B3GNT9: variants seen among roughly 807,000 people sequenced by gnomAD.
The protein encoded by B3GNT9 is UDP-GlcNAc:betaGal beta-1,3-N-acetylglucosaminyltransferase 9, also known as BGnT-9.
For missense variants in B3GNT9, 669 were observed against 599.2 expected, an observed-to-expected ratio of 1.12 and a Z score of -1.22; for synonymous variants, 359 against 283.9, an observed-to-expected ratio of 1.26 and a Z score of -2.66.
rs1309643857 is a variant in B3GNT9, at chr16:67,149,637, A to G, written c.849T>C (p.Tyr283=). 1 of 1,600,794 alleles carries G rather than the reference A, an allele frequency of 6.2e-7. No individual in the cohort carries two copies. The highest frequency in any genetic ancestry group is 8.5e-7 in the Non-Finnish European group (1 of 1,174,102). The change falls in exon 2 of 2, where the codon TAT becomes TAC. Residue 283 remains tyrosine, a synonymous_variant. Transcript: ENST00000449549. ...IPEAVYGLPA[Y]PAYAGGGGFV... ...AGCCACCGCCGCCCGCGTAGGCCGG[A>G]TAGGCGGGCAGGCCGTACACGGCCT... is the stretch of plus-strand genomic sequence containing the variant.
chr16:67,149,736 T>G lies in B3GNT9; in HGVS notation c.750A>C (p.Gln250His), dbSNP rs771940921. 3.1e-6 allele frequency: 5 copies of G among 1,613,558 alleles called. No individual in the cohort carries two copies. The African/African-American group carries it at 6.7e-5, about 22-fold the overall frequency. Reference protein sequence around the residue: ...LEFLAPRDPAQDLLAGDVIVH... With the variant: ...LEFLAPRDPAHDLLAGDVIVH... ...CAATTACGTCACCAGCAAGCAGGTC[T>G]TGCGCCGGGTCCCGCGGCGCCAGGA... is the stretch of plus-strand genomic sequence containing the variant. Residue 250 changes from glutamine (Q) to histidine (H), a missense_variant, in exon 2 of 2, where the codon CAA becomes CAC. Physicochemically the swap from Gln to His is conservative, Grantham distance 24. Coordinates refer to ENST00000449549, the MANE Select transcript of B3GNT9 (RefSeq NM_033309.3).
Position 67,150,163 on chromosome 16 carries a change from C to A in B3GNT9, c.323G>T (p.Gly108Val), listed in dbSNP as rs1309899835. 2.6e-6 allele frequency: 4 copies of A among 1,545,154 alleles called. No individual in the cohort carries two copies. In the South Asian group the frequency reaches 4.8e-5, roughly 19 times the overall value. Residue 108 changes from glycine (G) to valine (V), a missense_variant, in exon 2 of 2, where the codon GGC becomes GTC. Coordinates refer to ENST00000449549, the MANE Select transcript of B3GNT9 (RefSeq NM_033309.3). ...CGGGCGGCCACCGGGTGCGCCGTCG[C>A]CGCGGCACTTGTGCGGCTGGTTAAT... ...LLINQPHKCR[G>V]DGAPGGRPDL...
chr16:67,150,708 C>T, intron 1 of B3GNT9, 37 bp from the exon 2 acceptor site: 1 of 389,120 alleles, frequency 2.6e-6, no homozygotes, highest in Non-Finnish European at 4.5e-6. Flanking sequence ...TAGCCAACTC[C>T]CCCGCGGCCT....
rs769419679 is a variant in B3GNT9, at chr16:67,150,462, G to A, written c.24C>T (p.Arg8=). The A allele has an allele frequency of 3.8e-5, 50 of 1,331,532 alleles. No individual in the cohort carries two copies. Among genetic ancestry groups the A allele is most frequent in the Non-Finnish European group, 4.8e-5 (50 of 1,043,522 alleles). The allele number at this position is 1,331,532 out of a possible 1,614,324, so 82.5% of individuals were successfully genotyped here. Residue 8 remains arginine (R), a synonymous_variant, in exon 2 of 2, where the codon CGC becomes CGT. Coordinates refer to ENST00000449549, the MANE Select transcript of B3GNT9 (RefSeq NM_033309.3). The part of the protein sequence containing the change: MRRRLRL[R]RDALLTLLLG... ...GGAGCAGCGTGAGCAATGCGTCCCT[G>A]CGTAGGCGCAGCCTCCTCCTCATCT...
rs1401755158 is a variant in B3GNT9, at chr16:67,150,157, C to T, written c.329G>A (p.Gly110Asp). 1 of 1,539,282 alleles carries T rather than the reference C, an allele frequency of 6.5e-7. No individual in the cohort carries two copies. The change falls in exon 2 of 2, where the codon GGC (glycine) becomes GAC (aspartate). Residue 110 changes from glycine to aspartate, a missense_variant. Coordinates refer to ENST00000449549, the MANE Select transcript of B3GNT9 (RefSeq NM_033309.3). ...INQPHKCRGD[G>D]APGGRPDLLI... Reference sequence around the variant, plus strand: ...CAGGTCCGGGCGGCCACCGGGTGCGCCGTCGCCGCGGCACTTGTGCGGCTG... The same window carrying T: ...CAGGTCCGGGCGGCCACCGGGTGCGTCGTCGCCGCGGCACTTGTGCGGCTG...
intron 1 of B3GNT9, 58 bp from the exon 2 acceptor site, chr16:67,150,729 C>A: frequency 2.7e-6 from 1 of 369,256 alleles, no homozygotes; most frequent in Non-Finnish European, 4.8e-6. Flanking sequence ...CAGCTCCGGC[C>A]CAGGACTGCG....
chr16:67,149,642 C>T lies in B3GNT9; in HGVS notation c.844G>A (p.Ala282Thr). 2 of 1,600,526 alleles carry T rather than the reference C, an allele frequency of 1.2e-6. No individual in the cohort carries two copies. Among genetic ancestry groups the T allele is most frequent in the East Asian group, 2.3e-5 (1 of 44,154 alleles). The change falls in exon 2 of 2, where the codon GCC becomes ACC. Residue 282 changes from alanine (A) to threonine (T), a missense_variant. By Grantham distance (58) the Ala-to-Thr change is moderately conservative. Coordinates refer to ENST00000449549, the MANE Select transcript of B3GNT9 (RefSeq NM_033309.3). ...YIPEAVYGLP[A>T]YPAYAGGGGF... ...CCGCCGCCCGCGTAGGCCGGATAGG[C>T]GGGCAGGCCGTACACGGCCTCGGGG...
Position 67,149,798 on chromosome 16 carries a change from C to G in B3GNT9, c.688G>C (p.Ala230Pro). The change falls in exon 2 of 2, where the codon GCA becomes CCA. Residue 230 changes from alanine (A) to proline (P), a missense_variant. By Grantham distance (27) the Ala-to-Pro change is conservative (BLOSUM62 -1). Coordinates refer to ENST00000449549, the MANE Select transcript of B3GNT9 (RefSeq NM_033309.3). ...PDVRFVFKGD[A>P]DVFVNVGNLL... ...TTTCCCACGTTCACGAACACATCTGCGTCGCCCTTAAAAACGAAGCGCACG... is the reference window on the plus strand; with the variant it reads ...TTTCCCACGTTCACGAACACATCTGGGTCGCCCTTAAAAACGAAGCGCACG... The G allele has an allele frequency of 6.2e-7, 1 of 1,613,906 alleles. No homozygotes were observed. The highest frequency in any genetic ancestry group is 8.5e-7 in the Non-Finnish European group (1 of 1,179,820).
In B3GNT9 at chr16:67,150,500, C is replaced by T; in HGVS notation, c.-15G>A. The T allele has an allele frequency of 1.5e-6, 2 of 1,293,242 alleles. No individual in the cohort carries two copies. The highest frequency in any genetic ancestry group is 1.5e-5 in the African/African-American group (1 of 64,916). 80.1% of individuals were successfully genotyped at this position (1,293,242 alleles called of 1,614,324 possible). A position where few individuals can be genotyped will look rare whatever the true frequency, so the allele number is the denominator to read the frequency against. On this transcript the variant is annotated 5_prime_UTR_variant, in exon 2 of 2. Transcript: ENST00000449549. The stretch of plus-strand genomic sequence containing the variant: ...CTCCTCCTCATCTCCGCGCGGCCTG[C>T]GCCCTCCCTCCCCTGTAAGGGTCGC...
Position 67,149,294 on chromosome 16 carries a change from A to G in B3GNT9, c.1192T>C (p.Phe398Leu), listed in dbSNP as rs1348156854. 6 of 1,544,296 alleles carry G rather than the reference A, an allele frequency of 3.9e-6. No individual in the cohort carries two copies. Among genetic ancestry groups the G allele is most frequent in the Non-Finnish European group, 5.2e-6 (6 of 1,144,870 alleles). Residue 398 changes from phenylalanine to leucine, a missense_variant, in exon 2 of 2, where the codon TTC becomes CTC. By Grantham distance (22) the Phe-to-Leu change is conservative. Transcript: ENST00000449549. ...GTGGGGAGCTAGGAGTCCCATTGGA[A>G]GGGGCCTGCAGCGACAGGCTGTGGA... ...AHPQPVAAGPFQWDS is the reference protein window; with the variant it reads ...AHPQPVAAGPLQWDS
chr16:67,149,292 G>C lies in B3GNT9; in HGVS notation c.1194C>G (p.Phe398Leu). The C allele has an allele frequency of 6.5e-7, 1 of 1,544,636 alleles. No homozygotes were observed. Among genetic ancestry groups the C allele is most frequent in the Non-Finnish European group, 8.7e-7 (1 of 1,145,058 alleles). ...TAGTGGGGAGCTAGGAGTCCCATTG[G>C]AAGGGGCCTGCAGCGACAGGCTGTG... is the stretch of plus-strand genomic sequence containing the variant. ...AHPQPVAAGPFQWDS is the reference protein window; with the variant it reads ...AHPQPVAAGPLQWDS Residue 398 changes from phenylalanine (F) to leucine (L), a missense_variant, in exon 2 of 2, where the codon TTC (phenylalanine) becomes TTG (leucine). Phe to Leu is a conservative substitution (Grantham distance 22). Transcript: ENST00000449549.
rs1464673130 is a variant in B3GNT9 at position 67,149,802 on chromosome 16, G to A, written c.684C>T (p.Gly228=). The change falls in exon 2 of 2, where the codon GGC becomes GGT. Residue 228 remains glycine, a synonymous_variant. Coordinates refer to ENST00000449549, the MANE Select transcript of B3GNT9 (RefSeq NM_033309.3). The part of the protein sequence containing the change: ...FCPDVRFVFK[G]DADVFVNVGN... Reference sequence around the variant, plus strand: ...CCACGTTCACGAACACATCTGCGTCGCCCTTAAAAACGAAGCGCACGTCGG... The same window carrying A: ...CCACGTTCACGAACACATCTGCGTCACCCTTAAAAACGAAGCGCACGTCGG... The A allele has an allele frequency of 6.2e-7, 1 of 1,613,774 alleles. No homozygotes were observed. Among genetic ancestry groups the A allele is most frequent in the African/African-American group, 1.3e-5 (1 of 74,930 alleles).
Position 67,149,750 on chromosome 16 carries a change from G to C in B3GNT9, c.736C>G (p.Arg246Gly). The C allele has an allele frequency of 6.2e-7, 1 of 1,613,736 alleles. No homozygotes were observed. Among genetic ancestry groups the C allele is most frequent in the South Asian group, 1.1e-5 (1 of 91,090 alleles). ...GCAAGCAGGTCTTGCGCCGGGTCCC[G>C]CGGCGCCAGGAACTCCAGGAGATTT... The part of the protein sequence containing the change: ...VGNLLEFLAP[R>G]DPAQDLLAGD... The change falls in exon 2 of 2, where the codon CGG becomes GGG. Residue 246 changes from arginine to glycine, a missense_variant. Coordinates refer to ENST00000449549, the MANE Select transcript of B3GNT9 (RefSeq NM_033309.3).
In B3GNT9 at chr16:67,150,526, A is replaced by C; in HGVS notation, c.-41T>G. Reference sequence around the variant, plus strand: ...GCCCTCCCTCCCCTGTAAGGGTCGCAGTCGGCAGCAGGGGGCAGCGAGCCC... The same window carrying C: ...GCCCTCCCTCCCCTGTAAGGGTCGCCGTCGGCAGCAGGGGGCAGCGAGCCC... On this transcript the variant is annotated 5_prime_UTR_variant, in exon 2 of 2. Coordinates refer to ENST00000449549, the MANE Select transcript of B3GNT9 (RefSeq NM_033309.3). The C allele has an allele frequency of 8.0e-7, 1 of 1,253,418 alleles. No individual in the cohort carries two copies. Among genetic ancestry groups the C allele is most frequent in the Non-Finnish European group, 1.0e-6 (1 of 998,990 alleles). 77.6% of individuals were successfully genotyped at this position (1,253,418 alleles called of 1,614,324 possible). A position where few individuals can be genotyped will look rare whatever the true frequency, so the allele number is the denominator to read the frequency against.
At position 67,150,516 on chromosome 16, in the gene B3GNT9, T is replaced by G. The variant is rs1435393236; in HGVS notation, c.-31A>C. 10 of 1,268,822 alleles carry G rather than the reference T, an allele frequency of 7.9e-6. No individual in the cohort carries two copies. In the East Asian group the frequency reaches 3.1e-4, roughly 40 times the overall value. 78.6% of individuals were successfully genotyped at this position (1,268,822 alleles called of 1,614,324 possible). A position where few individuals can be genotyped will look rare whatever the true frequency, so the allele number is the denominator to read the frequency against. On this transcript the variant is annotated 5_prime_UTR_variant, in exon 2 of 2. Transcript: ENST00000449549. ...CGCGGCCTGCGCCCTCCCTCCCCTG[T>G]AAGGGTCGCAGTCGGCAGCAGGGGG...
Position 67,150,368 on chromosome 16 carries a change from G to C in B3GNT9, c.118C>G (p.Arg40Gly), listed in dbSNP as rs985409033. 4.9e-5 allele frequency: 66 copies of C among 1,347,716 alleles called. No individual in the cohort carries two copies. The highest frequency in any genetic ancestry group is 8.1e-5 in the Admixed American group (2 of 24,542). 83.5% of individuals were successfully genotyped at this position (1,347,716 alleles called of 1,614,324 possible). A position where few individuals can be genotyped will look rare whatever the true frequency, so the allele number is the denominator to read the frequency against. Reference sequence around the variant, plus strand: ...CTCGGTGCCGCCCTCCCTCGCCCTCGCGGCGCGCTCGCCGTCGGGGCCGCG... The same window carrying C: ...CTCGGTGCCGCCCTCCCTCGCCCTCCCGGCGCGCTCGCCGTCGGGGCCGCG... ...DGAAPTASAP[R>G]GRGRAAPRPT... Residue 40 changes from arginine to glycine, a missense_variant, in exon 2 of 2, where the codon CGA becomes GGA. By Grantham distance (125) the Arg-to-Gly change is moderately radical. Coordinates refer to ENST00000449549, the MANE Select transcript of B3GNT9 (RefSeq NM_033309.3).
intron 1 of B3GNT9, 93 bp downstream of exon 1, chr16:67,150,772 G>C: frequency 9.3e-6 from 3 of 323,826 alleles, no homozygotes; most frequent in Non-Finnish European, 1.1e-5. Context: ...TGGGAGCCTC[G>C]GCCCCTCCCC....
In B3GNT9 at chr16:67,149,018, A is replaced by G. The variant is rs1245085139; in HGVS notation, c.*259T>C. 1 of 545,784 alleles carries G rather than the reference A, an allele frequency of 1.8e-6. No individual in the cohort carries two copies. 33.8% of individuals were successfully genotyped at this position (545,784 alleles called of 1,614,324 possible). On this transcript the variant is annotated 3_prime_UTR_variant, in exon 2 of 2. Transcript: ENST00000449549. ...CTCTGTGCTACTAGGAGGACCAGACATATCCACTGCTCTGGGACCTGTTGG... is the reference window on the plus strand; with the variant it reads ...CTCTGTGCTACTAGGAGGACCAGACGTATCCACTGCTCTGGGACCTGTTGG...
Position 67,149,070 on chromosome 16 carries a change from C to T in B3GNT9, c.*207G>A. On this transcript the variant is annotated 3_prime_UTR_variant, in exon 2 of 2. Transcript: ENST00000449549. ...CAAGAGATGGTCATCTACCACCCAG[C>T]CTTGGCTCGCTCAAAGGGTCACCAT... is the stretch of plus-strand genomic sequence containing the variant. The T allele has an allele frequency of 9.1e-7, 1 of 1,101,314 alleles. No homozygotes were observed. 68.2% of individuals were successfully genotyped at this position (1,101,314 alleles called of 1,614,324 possible).
Sources: gnomAD v4.1 joint callset for allele counts on GRCh38, gnomAD v4.1.1 for gene constraint, MANE v1.5 for transcripts, NCBI Gene and HGNC (gene_info 2026-07-23, HGNC 2026-07-21) for gene names.